PDE11A: variants seen among roughly 807,000 people sequenced by gnomAD.
The protein encoded by PDE11A is dual 3',5'-cyclic-AMP and -GMP phosphodiesterase 11A.
A neutral mutation model predicts 100.5 loss-of-function variants in PDE11A; 100 were observed. That is an observed-to-expected ratio of 1.00 (90% CI 0.85 to 1.18). The LOEUF (loss-of-function observed/expected upper bound fraction) is 1.18. Ranked by LOEUF, PDE11A falls within the 50% of genes most tolerant of loss-of-function variation. The probability of loss-of-function intolerance (pLI) is 0.00; values close to 1 mark genes in which losing one functional copy is unlikely to be tolerated. For missense variants in PDE11A, 1,141 were observed against 1,152.6 expected, an observed-to-expected ratio of 0.99 and a Z score of 0.15; for synonymous variants, 381 against 420.8, an observed-to-expected ratio of 0.91 and a Z score of 1.16.
intron 5 of PDE11A, among the ~76,000 whole-genome samples, chr2:177,847,529 T>A (rs2083620743): frequency 6.6e-6 from 1 of 152,220 alleles, no homozygotes; most frequent in South Asian, 2.1e-4. Flanking sequence ...AATCAGTTCA[T>A]GTCAACTCAG....
At chr2:177,870,020 G>A (rs1309873803) in intron 5 of PDE11A, among the ~76,000 whole-genome samples, 1 of 152,166 alleles carries the variant, frequency 6.6e-6, no homozygotes, top group Non-Finnish European at 1.5e-5. Context: ...CATCATGCAC[G>A]AGTTTAGTTA....
intron 2 of PDE11A, among the ~76,000 whole-genome samples, chr2:177,934,823 T>C (rs916090765): frequency 2.6e-5 from 4 of 152,218 alleles, no homozygotes; most frequent in Admixed American, 2.6e-4. Context: ...GGTGAGGGCA[T>C]GTCCTTTGCA....
chr2:178,046,789 A>G (rs936511487), intron 1 of PDE11A, among the ~76,000 whole-genome samples: 2 of 152,072 alleles, frequency 1.3e-5, no homozygotes, highest in Non-Finnish European at 2.9e-5. Context: ...TGGTAAATTT[A>G]TTTCTGTTAG....
rs34463789 is a variant in PDE11A, at chr2:177,858,840, C to A, written c.1367+17019G>T. 7.2e-3 allele frequency among the ~76,000 whole-genome samples: 1,100 copies of A among 152,198 alleles called. 13 individuals carry two copies. The highest frequency in any genetic ancestry group is 0.025 in the African/African-American group (1,024 of 41,538). On this transcript the variant is annotated intron_variant, in intron 5 of 19. Transcript: ENST00000286063. ...TATTCACAATAGCAAAGACTTGGAA[C>A]CAACCCAAATGTCCATCAATGATAG...
chr2:177,876,636 CTAAAG>C (rs2084246017), intron 4 of PDE11A, among the ~76,000 whole-genome samples: 1 of 148,236 alleles, frequency 6.7e-6, no homozygotes, highest in Admixed American at 6.6e-5. Flanking sequence ...TATTATAAAT[CTAAAG>C]TAGAGAATTT....
chr2:177,771,366 A>G (rs1256494346), intron 9 of PDE11A, among the ~76,000 whole-genome samples: 1 of 152,198 alleles, frequency 6.6e-6, no homozygotes, highest in East Asian at 1.9e-4. Context: ...TTTGAGAAGC[A>G]CTGACCTATG....
chr2:178,032,890 A>T (rs1045630775), intron 1 of PDE11A, among the ~76,000 whole-genome samples: 14 of 152,232 alleles, frequency 9.2e-5, no homozygotes, highest in African/African-American at 2.7e-4. Flanking sequence ...CCATCCAAAG[A>T]TCATCAGCCT....
At chr2:178,079,290 C>A (rs1384818934) in intron 2 of PDE11A, among the ~76,000 whole-genome samples, 1 of 152,010 alleles carries the variant, frequency 6.6e-6, no homozygotes, top group Non-Finnish European at 1.5e-5. Flanking sequence ...TGCTCTCCCT[C>A]CCCCGTCCCC....
chr2:178,039,249 G>A (rs983164550), intron 1 of PDE11A, among the ~76,000 whole-genome samples: 3 of 152,156 alleles, frequency 2.0e-5, no homozygotes, highest in Non-Finnish European at 4.4e-5. Flanking sequence ...AGAGCTGGAA[G>A]CTATTATTAT....
chr2:178,008,625 A>G (rs1194648028), intron 2 of PDE11A, among the ~76,000 whole-genome samples: 1 of 152,192 alleles, frequency 6.6e-6, no homozygotes, highest in African/African-American at 2.4e-5. Context: ...ATGTGAGGCT[A>G]GGAGTTTATA....
chr2:178,075,514 T>C (rs2087195915), upstream of PDE11A, among the ~76,000 whole-genome samples: 1 of 127,884 alleles, frequency 7.8e-6, no homozygotes. Context: ...ATCGCACCAC[T>C]GCACTCCAGC....
intron 12 of PDE11A, among the ~76,000 whole-genome samples, chr2:177,720,035 C>T (rs1429919745): frequency 6.6e-6 from 1 of 151,480 alleles, no homozygotes; most frequent in East Asian, 1.9e-4. Flanking sequence ...CAGCACATAT[C>T]CCACTCATGG....
In PDE11A at chr2:177,672,849, C is replaced by T. The variant is rs117375064; in HGVS notation, c.2487+2606G>A. 6.9e-3 allele frequency among the ~76,000 whole-genome samples: 1,045 copies of T among 152,158 alleles called. 16 individuals are homozygous for T. Among genetic ancestry groups the T allele is most frequent in the East Asian group, 0.044 (225 of 5,172 alleles). Reference sequence around the variant, plus strand: ...AAATGAAAATTGCGATACACTTTGACGAAGTTTGATTAGGACTCAGCTTTG... The same window carrying T: ...AAATGAAAATTGCGATACACTTTGATGAAGTTTGATTAGGACTCAGCTTTG... On this transcript the variant is annotated intron_variant, in intron 17 of 19. Coordinates refer to ENST00000286063, the MANE Select transcript of PDE11A (RefSeq NM_016953.4).
rs577563038 is a variant in PDE11A at position 177,888,083 on chromosome 2, AT to A, written c.1302+9974del. Among the ~76,000 whole-genome samples, 180 of 152,304 alleles carry A rather than the reference AT, an allele frequency of 1.2e-3. 1 individual carries two copies. Among genetic ancestry groups the A allele is most frequent in the Middle Eastern group, 0.01 (3 of 294 alleles). ...TCTGTTACCTGCAGGAGTCACCCAAATTGATCCATAAATTAGATACATTTCA... is the reference window on the plus strand; with the variant it reads ...TCTGTTACCTGCAGGAGTCACCCAAATGATCCATAAATTAGATACATTTCA... On this transcript the variant is annotated intron_variant, in intron 4 of 19. Transcript: ENST00000286063.
At chr2:177,981,011 C>T (rs1041383009) in intron 2 of PDE11A, among the ~76,000 whole-genome samples, 2 of 128,508 alleles carry the variant, frequency 1.6e-5, no homozygotes, top group Non-Finnish European at 3.1e-5. Context: ...CACACACACA[C>T]ACACACACAG....
intron 6 of PDE11A, among the ~76,000 whole-genome samples, chr2:177,826,981 A>G (rs1458536706): frequency 6.6e-6 from 1 of 152,242 alleles, no homozygotes; most frequent in Non-Finnish European, 1.5e-5. Context: ...CAACAGAAGC[A>G]TAACTGATAG....
chr2:177,834,941 C>T (rs897022092), intron 6 of PDE11A, among the ~76,000 whole-genome samples: 1 of 151,992 alleles, frequency 6.6e-6, no homozygotes, highest in Non-Finnish European at 1.5e-5. Context: ...GAACCCAGCT[C>T]CTCAGCTTTA....
intron 19 of PDE11A, among the ~76,000 whole-genome samples, chr2:177,632,951 T>A (rs1356558026): frequency 6.6e-6 from 1 of 152,158 alleles, no homozygotes; most frequent in African/African-American, 2.4e-5. Context: ...TTTCCCAGGC[T>A]CCCCAGAATT....
At chr2:178,023,573 C>T (rs1222167213) in intron 1 of PDE11A, among the ~76,000 whole-genome samples, 1 of 152,116 alleles carries the variant, frequency 6.6e-6, no homozygotes, top group Admixed American at 6.5e-5. Context: ...CTAATCTTGA[C>T]CAATGTTTAA....
Sources: gnomAD v4.1 joint callset for allele counts (sites outside exome capture counted in the v4.1 genomes callset) on GRCh38, gnomAD v4.1.1 for gene constraint, MANE v1.5 for transcripts, NCBI Gene and HGNC (gene_info 2026-07-23, HGNC 2026-07-21) for gene names.